The following TNS3 variants were observed in gnomAD, a reference collection of about 807,000 sequenced individuals.
TNS3 encodes the protein tensin 3.
Under a neutral mutation model 140.9 loss-of-function variants are expected in TNS3, and 45 were observed. The observed-to-expected ratio is 0.32, with a 90% CI of 0.25 to 0.41. The LOEUF (loss-of-function observed/expected upper bound fraction) is 0.41. Ranked by LOEUF, TNS3 falls within the 10% of genes least tolerant of loss-of-function variation. The pLI, the probability that TNS3 is intolerant of heterozygous loss-of-function variation, is 1.00. For missense variants in TNS3, 1,716 were observed against 1,906.7 expected (o/e 0.90, Z 1.86); for synonymous variants, 815 against 788.4 (o/e 1.03, Z -0.56).
intron 22 of TNS3, 69 bp downstream of exon 22, chr7:47,302,881 G>C: frequency 6.5e-7 from 1 of 1,530,112 alleles, no homozygotes; most frequent in Non-Finnish European, 8.8e-7. Context: ...CTCAGCTGCA[G>C]GTCTGAACCC....
chr7:47,532,070 C>G (rs968328056), intron 1 of TNS3, among the ~76,000 whole-genome samples: 11 of 152,186 alleles, frequency 7.2e-5, no homozygotes, highest in Admixed American at 4.6e-4. Flanking sequence ...GAAGCCCCCC[C>G]CCGCCCACCA....
chr7:47,482,259 T>C (rs1038584038), intron 3 of TNS3, among the ~76,000 whole-genome samples: 10 of 152,318 alleles, frequency 6.6e-5, no homozygotes, highest in African/African-American at 2.4e-4. Context: ...CGGCGTAATC[T>C]TGGCTTTTAC....
At chr7:47,432,151 TA>T (rs1380716482) in intron 8 of TNS3, among the ~76,000 whole-genome samples, 1 of 152,214 alleles carries the variant, frequency 6.6e-6, no homozygotes, top group Non-Finnish European at 1.5e-5. Flanking sequence ...TGTTGAAATT[TA>T]ATCTCCAATG....
At chr7:47,446,344 C>T (rs1795729033) in intron 4 of TNS3, among the ~76,000 whole-genome samples, 1 of 152,186 alleles carries the variant, frequency 6.6e-6, no homozygotes, top group Non-Finnish European at 1.5e-5. Context: ...GAGCTGCCTG[C>T]TCACGTCCTC....
rs147907299 is a variant in TNS3, at chr7:47,299,682, T to C, written c.3545-2469A>G. ...AGCCCCAGCTGCCAGGCTGCAGGGGTGCAAGGGGGCTGTGCTCTCCTGCAC... is the reference window on the plus strand; with the variant it reads ...AGCCCCAGCTGCCAGGCTGCAGGGGCGCAAGGGGGCTGTGCTCTCCTGCAC... On this transcript the variant is annotated intron_variant, in intron 23 of 30. Coordinates refer to ENST00000311160, the MANE Select transcript of TNS3 (RefSeq NM_022748.12). 6.6e-5 allele frequency among the ~76,000 whole-genome samples: 10 copies of C among 152,086 alleles called. No homozygotes were observed. In the East Asian group the frequency reaches 1.7e-3, roughly 26 times the overall value.
intron 3 of TNS3, among the ~76,000 whole-genome samples, chr7:47,491,965 A>G (rs1797830626): frequency 6.6e-6 from 1 of 152,228 alleles, no homozygotes; most frequent in African/African-American, 2.4e-5. Flanking sequence ...GAACATTCTA[A>G]AACACTCAAC....
chr7:47,491,115 G>C lies in TNS3; in HGVS notation c.-114-9974C>G, dbSNP rs536979496. Among the ~76,000 whole-genome samples the C allele has an allele frequency of 6.6e-5, 10 of 152,312 alleles. No individual in the cohort carries two copies. The South Asian group carries it at 2.1e-3, about 32-fold the overall frequency. On this transcript the variant is annotated intron_variant, in intron 3 of 30. Transcript: ENST00000311160. ...GCACGAGGCGGGCAGACATGACCCA[G>C]GACACTAGCCAGTGGGCAGAGAGGC...
At chr7:47,524,059 C>T (rs1426443956) in intron 2 of TNS3, among the ~76,000 whole-genome samples, 2 of 152,240 alleles carry the variant, frequency 1.3e-5, no homozygotes, top group Admixed American at 6.5e-5. Context: ...AGCCAGCAAG[C>T]TCAGGGCAAC....
intron 13 of TNS3, 61 bp from the exon 14 acceptor site, chr7:47,400,975 A>G (rs1012491585): frequency 3.4e-5 from 54 of 1,605,542 alleles, no homozygotes; most frequent in Non-Finnish European, 4.1e-5. Context: ...GTTCCCGGCA[A>G]GGAACACACT....
intron 20 of TNS3, among the ~76,000 whole-genome samples, chr7:47,325,693 A>G (rs1301973630): frequency 6.6e-6 from 1 of 152,140 alleles, no homozygotes; most frequent in Non-Finnish European, 1.5e-5. Context: ...GGTGAGCCTA[A>G]TGTAAACAAA....
chr7:47,403,211 GCA>G (rs1417166474), intron 13 of TNS3: 1 of 152,572 alleles, frequency 6.6e-6, no homozygotes, highest in Non-Finnish European at 1.5e-5. Flanking sequence ...GCTCCTCATA[GCA>G]GCTACACACA....
intron 4 of TNS3, among the ~76,000 whole-genome samples, chr7:47,461,072 A>T (rs1179894179): frequency 6.6e-6 from 1 of 152,222 alleles, no homozygotes; most frequent in Non-Finnish European, 1.5e-5. Context: ...TGGAGTTGAA[A>T]AAAAACGGGA....
chr7:47,361,002 C>A (rs1329134789), intron 17 of TNS3, among the ~76,000 whole-genome samples: 1 of 151,966 alleles, frequency 6.6e-6, no homozygotes, highest in African/African-American at 2.4e-5. Context: ...CCAGCTGCTA[C>A]GGGCGCAGGC....
At chr7:47,296,740 G>A (rs537176175) in intron 24 of TNS3, among the ~76,000 whole-genome samples, 2 of 152,228 alleles carry the variant, frequency 1.3e-5, no homozygotes, top group Non-Finnish European at 2.9e-5. Flanking sequence ...AGACACACAC[G>A]AATCTACTCC....
intron 16 of TNS3, among the ~76,000 whole-genome samples, chr7:47,395,156 A>G (rs1792754976): frequency 6.6e-6 from 1 of 152,132 alleles, no homozygotes; most frequent in South Asian, 2.1e-4. Context: ...ACCTTTCCAC[A>G]ACTCGCCTCC....
chr7:47,313,314 T>C (rs1299619397), intron 20 of TNS3, among the ~76,000 whole-genome samples: 1 of 152,118 alleles, frequency 6.6e-6, no homozygotes, highest in Non-Finnish European at 1.5e-5. Context: ...GTCATTCACA[T>C]TGTGAATTAA....
chr7:47,381,089 AAG>A (rs1791729933), intron 16 of TNS3, among the ~76,000 whole-genome samples: 1 of 152,202 alleles, frequency 6.6e-6, no homozygotes, highest in Non-Finnish European at 1.5e-5. Flanking sequence ...AAGGTGGAGA[AAG>A]AAGCTCCTCC....
intron 20 of TNS3, among the ~76,000 whole-genome samples, chr7:47,338,189 T>C (rs1788741122): frequency 6.6e-6 from 1 of 152,242 alleles, no homozygotes; most frequent in Non-Finnish European, 1.5e-5. Context: ...CATAAGTCTA[T>C]TTCTTTGGGA....
chr7:47,368,928 G>T lies in TNS3; in HGVS notation c.1718C>A (p.Ser573Tyr), dbSNP rs1325918013. The change falls in exon 17 of 31, where the codon TCC (serine) becomes TAC (tyrosine). Residue 573 changes from serine (S) to tyrosine (Y), a missense_variant. Ser to Tyr is a moderately radical substitution (Grantham distance 144). Coordinates refer to ENST00000311160, the MANE Select transcript of TNS3 (RefSeq NM_022748.12). Reference sequence around the variant, plus strand: ...CTGCCCATAGGCCTGCATCTGGGCGGACACTGAGGGCTTTCTCAGCAGGGG... The same window carrying T: ...CTGCCCATAGGCCTGCATCTGGGCGTACACTGAGGGCTTTCTCAGCAGGGG... ...PQPLLRKPSV[S>Y]AQMQAYGQSS... 6.2e-7 allele frequency: 1 copy of T among 1,613,362 alleles called. No homozygotes were observed. The highest frequency in any genetic ancestry group is 2.2e-5 in the East Asian group (1 of 44,870).
Sources: gnomAD v4.1 joint callset for allele counts (sites outside exome capture counted in the v4.1 genomes callset) on GRCh38, gnomAD v4.1.1 for gene constraint, MANE v1.5 for transcripts, NCBI Gene and HGNC (gene_info 2026-07-23, HGNC 2026-07-21) for gene names.